RALYL: variants seen among roughly 807,000 people sequenced by gnomAD.
RALYL encodes the protein RNA-binding Raly-like protein.
In RALYL, 29 loss-of-function variants were observed where a neutral mutation model predicts 35.1. The observed-to-expected ratio is 0.83, with a 90% CI of 0.61 to 1.13. RALYL has a LOEUF of 1.13. RALYL is among the 50% of genes most tolerant of loss of function. RALYL has a pLI of 0.00. For synonymous variants in RALYL, 120 were observed against 127.6 expected (o/e 0.94, Z 0.40); for missense variants, 359 against 360.4 (o/e 1.00, Z 0.03).
At chr8:84,509,438 T>C (rs1044741099) in intron 1 of RALYL, among the ~76,000 whole-genome samples, 1 of 152,196 alleles carries the variant, frequency 6.6e-6, no homozygotes, top group Non-Finnish European at 1.5e-5. Context: ...TTGCAGACTT[T>C]TGCGAACATT....
chr8:84,738,770 T>C (rs547599915), intron 2 of RALYL, among the ~76,000 whole-genome samples: 1 of 152,148 alleles, frequency 6.6e-6, no homozygotes, highest in South Asian at 2.1e-4. Context: ...ATAGCTGTAA[T>C]ACTGTGATAA....
intron 2 of RALYL, among the ~76,000 whole-genome samples, chr8:84,754,615 G>T (rs1810936840): frequency 6.6e-6 from 1 of 152,170 alleles, no homozygotes; most frequent in African/African-American, 2.4e-5. Flanking sequence ...TTGGCAGGAT[G>T]TTCACCAGTT....
chr8:84,772,233 C>A (rs1052691644), intron 2 of RALYL, among the ~76,000 whole-genome samples: 1 of 152,012 alleles, frequency 6.6e-6, no homozygotes, highest in African/African-American at 2.4e-5. Context: ...ATCTCTCTAC[C>A]ATTACTACAG....
chr8:84,727,123 G>C (rs1177436436), intron 2 of RALYL, among the ~76,000 whole-genome samples: 1 of 151,984 alleles, frequency 6.6e-6, no homozygotes, highest in African/African-American at 2.4e-5. Flanking sequence ...CTGAAAAGTG[G>C]GTTATGAGAC....
At chr8:84,617,818 G>T (rs1437634684) in intron 2 of RALYL, among the ~76,000 whole-genome samples, 1 of 151,594 alleles carries the variant, frequency 6.6e-6, no homozygotes, top group Non-Finnish European at 1.5e-5. Flanking sequence ...GTTGAATTTT[G>T]TCAAAGGCCT....
chr8:84,418,492 A>C (rs758246113), intron 1 of RALYL, among the ~76,000 whole-genome samples: 1 of 152,082 alleles, frequency 6.6e-6, no homozygotes, highest in Non-Finnish European at 1.5e-5. Context: ...AAAAACTGAG[A>C]AGGACCCTAA....
At chr8:84,274,028 A>C (rs551755941) in intron 1 of RALYL, among the ~76,000 whole-genome samples, 2 of 152,296 alleles carry the variant, frequency 1.3e-5, no homozygotes, top group South Asian at 4.1e-4. Context: ...ACCCACTTTT[A>C]AATTAAATTG....
At chr8:84,203,180 G>A (rs144745576) in intron 1 of RALYL, among the ~76,000 whole-genome samples, 2 of 152,236 alleles carry the variant, frequency 1.3e-5, no homozygotes, top group East Asian at 1.9e-4. Context: ...CTAGGGAAAA[G>A]GAGATGTAAA....
At chr8:84,558,418 G>A (rs1417299278) in intron 2 of RALYL, among the ~76,000 whole-genome samples, 1 of 152,128 alleles carries the variant, frequency 6.6e-6, no homozygotes, top group African/African-American at 2.4e-5. Flanking sequence ...TAAAAGATGA[G>A]AAGTTACTGT....
In RALYL at chr8:84,590,832, G is replaced by A. The variant is rs140465006; in HGVS notation, c.256+61255G>A. 3.3e-5 allele frequency among the ~76,000 whole-genome samples: 5 copies of A among 152,208 alleles called. No individual in the cohort carries two copies. In the East Asian group the frequency reaches 7.7e-4, roughly 24 times the overall value. On this transcript the variant is annotated intron_variant, in intron 2 of 8. Coordinates refer to ENST00000521268, the MANE Select transcript of RALYL (RefSeq NM_173848.7). ...GAAGTAATGATTATATGACTTCTAA[G>A]CTGTCTCCTCTGACTTTAAGACTTC...
intron 2 of RALYL, chr8:84,705,920 T>G (rs1841123888): frequency 2.0e-6 from 3 of 1,498,444 alleles, no homozygotes; most frequent in Non-Finnish European, 2.7e-6. Context: ...GCTGGTTACC[T>G]TCTGTCAGTG....
chr8:84,472,556 A>G (rs183522972), intron 1 of RALYL, among the ~76,000 whole-genome samples: 37 of 152,330 alleles, frequency 2.4e-4, no homozygotes, highest in African/African-American at 8.2e-4. Context: ...ACTGGAATAC[A>G]TAAAGTACAG....
intron 1 of RALYL, among the ~76,000 whole-genome samples, chr8:84,524,343 T>C (rs1400258721): frequency 6.6e-6 from 1 of 151,970 alleles, no homozygotes; most frequent in East Asian, 1.9e-4. Context: ...AAAAAACACA[T>C]GAAAAAATGC....
chr8:84,628,258 A>G (rs142304003), intron 2 of RALYL, among the ~76,000 whole-genome samples: 147 of 152,078 alleles, frequency 9.7e-4, no homozygotes, highest in African/African-American at 3.3e-3. Flanking sequence ...GCATTCACAC[A>G]TCTTAATTTT....
intron 1 of RALYL, among the ~76,000 whole-genome samples, chr8:84,503,320 ATT>A (rs551446229): frequency 7.0e-4 from 95 of 134,940 alleles, no homozygotes; most frequent in Middle Eastern, 3.8e-3. Flanking sequence ...TGCCTGGCTA[ATT>A]TTTTTTTTTT....
Position 84,319,266 on chromosome 8 carries a change from G to A in RALYL, c.-24+134842G>A, listed in dbSNP as rs138500890. On this transcript the variant is annotated intron_variant, in intron 1 of 8. Coordinates refer to ENST00000521268, the MANE Select transcript of RALYL (RefSeq NM_173848.7). ...ATTGTACTTATTCATAATGCTAAGT[G>A]TTTTAAGTGGTCTAGAAAGCATTTA... Among the ~76,000 whole-genome samples, 26 of 152,204 alleles carry A rather than the reference G, an allele frequency of 1.7e-4. No individual in the cohort carries two copies. In the East Asian group the frequency reaches 4.8e-3, roughly 28 times the overall value.
At chr8:84,622,594 G>A (rs149267447) in intron 2 of RALYL, among the ~76,000 whole-genome samples, 3 of 152,222 alleles carry the variant, frequency 2.0e-5, no homozygotes, top group Non-Finnish European at 2.9e-5. Context: ...ACAGAGTCGA[G>A]GGGCATTAGT....
intron 2 of RALYL, among the ~76,000 whole-genome samples, chr8:84,537,021 A>G (rs1364600738): frequency 6.6e-6 from 1 of 152,028 alleles, no homozygotes; most frequent in African/African-American, 2.4e-5. Context: ...TTTATGTTAT[A>G]CAGATTATGC....
chr8:84,835,570 C>CT (rs1563708431), intron 4 of RALYL, among the ~76,000 whole-genome samples: 1 of 148,136 alleles, frequency 6.8e-6, no homozygotes, highest in Non-Finnish European at 1.5e-5. Context: ...GTAATCCCAG[C>CT]TACTCGGGAG....
Sources: gnomAD v4.1 joint callset for allele counts (sites outside exome capture counted in the v4.1 genomes callset) on GRCh38, gnomAD v4.1.1 for gene constraint, MANE v1.5 for transcripts, NCBI Gene and HGNC (gene_info 2026-07-23, HGNC 2026-07-21) for gene names.